The following NLGN1 variants were observed in gnomAD, a reference collection of about 807,000 sequenced individuals.
NLGN1 encodes neuroligin-1.
A neutral mutation model predicts 65.5 loss-of-function variants in NLGN1; 12 were observed. The ratio of observed to expected loss-of-function variants is 0.18; its 90% CI spans 0.12 to 0.30. The LOEUF is 0.30. NLGN1 is among the 10% of genes least tolerant of loss of function. The pLI, the probability that NLGN1 is intolerant of heterozygous loss-of-function variation, is 1.00. For missense variants in NLGN1, 750 were observed against 1,007.1 expected (o/e 0.74, Z 3.46); for synonymous variants, 350 against 359.5 (o/e 0.97, Z 0.30).
chr3:173,950,861 ATTTATTTATTTG>A (rs1348221459), intron 4 of NLGN1, among the ~76,000 whole-genome samples: 1 of 151,218 alleles, frequency 6.6e-6, no homozygotes, highest in African/African-American at 2.4e-5. Context: ...TATTAATTTT[ATTTATTTATTTG>A]TTTATTTATT....
At chr3:173,596,185 C>T (rs1292047342) in intron 2 of NLGN1, among the ~76,000 whole-genome samples, 1 of 151,980 alleles carries the variant, frequency 6.6e-6, no homozygotes, top group Non-Finnish European at 1.5e-5. Context: ...TTTTCTCTCT[C>T]TCTTTTTTTT....
At chr3:173,640,932 T>C (rs1289487967) in intron 3 of NLGN1, among the ~76,000 whole-genome samples, 2 of 152,326 alleles carry the variant, frequency 1.3e-5, no homozygotes, top group Admixed American at 1.3e-4. Flanking sequence ...TTATTTATGA[T>C]ACTATATATT....
chr3:173,729,424 T>A (rs1213247579), intron 3 of NLGN1, among the ~76,000 whole-genome samples: 1 of 152,076 alleles, frequency 6.6e-6, no homozygotes, highest in Non-Finnish European at 1.5e-5. Flanking sequence ...CCATCTATCC[T>A]AATTCTTTAG....
At chr3:173,583,509 A>C (rs1351777678) in intron 2 of NLGN1, among the ~76,000 whole-genome samples, 2 of 151,580 alleles carry the variant, frequency 1.3e-5, no homozygotes, top group African/African-American at 2.4e-5. Flanking sequence ...AAAAGGCTTA[A>C]TTATTTAGTC....
chr3:173,957,927 G>GT (rs1292002188), intron 4 of NLGN1, among the ~76,000 whole-genome samples: 1 of 152,216 alleles, frequency 6.6e-6, no homozygotes, highest in Non-Finnish European at 1.5e-5. Context: ...ACAGCAAGGG[G>GT]TGTGTGAGTG....
At chr3:174,021,801 T>C (rs188525232) in intron 4 of NLGN1, among the ~76,000 whole-genome samples, 9 of 152,258 alleles carry the variant, frequency 5.9e-5, no homozygotes, top group Admixed American at 2.0e-4. Flanking sequence ...AATACATTCC[T>C]TTTTTGCATG....
chr3:173,901,371 GTGTGT>G (rs1221314017), intron 4 of NLGN1, among the ~76,000 whole-genome samples: 3 of 148,038 alleles, frequency 2.0e-5, no homozygotes, highest in South Asian at 2.2e-4. Flanking sequence ...TTTTGGGGGG[GTGTGT>G]GTGTGTGTGT....
At chr3:173,575,769 C>T (rs1577350343) in intron 2 of NLGN1, among the ~76,000 whole-genome samples, 1 of 152,130 alleles carries the variant, frequency 6.6e-6, no homozygotes, top group East Asian at 1.9e-4. Context: ...TTTTAAGTTT[C>T]GTTTCTTTTC....
intron 4 of NLGN1, among the ~76,000 whole-genome samples, chr3:173,895,252 TGA>T (rs2152143070): frequency 6.6e-6 from 1 of 152,316 alleles, no homozygotes; most frequent in Non-Finnish European, 1.5e-5. Flanking sequence ...TTGATCCATC[TGA>T]GTACCACATC....
intron 3 of NLGN1, among the ~76,000 whole-genome samples, chr3:173,738,763 A>C (rs1295774272): frequency 6.6e-6 from 1 of 152,006 alleles, no homozygotes; most frequent in African/African-American, 2.4e-5. Context: ...TCAGATTGTC[A>C]ATTTATGCAA....
At chr3:173,621,752 C>T (rs1267852698) in intron 3 of NLGN1, among the ~76,000 whole-genome samples, 1 of 151,946 alleles carries the variant, frequency 6.6e-6, no homozygotes, top group African/African-American at 2.4e-5. Flanking sequence ...ACAAGGAGGC[C>T]TTGGCAATGT....
At chr3:173,881,459 C>T (rs1309349097) in intron 4 of NLGN1, among the ~76,000 whole-genome samples, 6 of 117,274 alleles carry the variant, frequency 5.1e-5, no homozygotes, top group African/African-American at 1.0e-4. Context: ...GAGTCTCGCT[C>T]TGTTGCCCAG....
chr3:173,945,705 T>C (rs1747014114), intron 4 of NLGN1, among the ~76,000 whole-genome samples: 1 of 152,192 alleles, frequency 6.6e-6, no homozygotes, highest in Non-Finnish European at 1.5e-5. Flanking sequence ...TGTACTTTTT[T>C]CCCCACTCGC....
chr3:174,161,456 C>G (rs78644125), intron 4 of NLGN1, among the ~76,000 whole-genome samples: 20,053 of 151,772 alleles, frequency 0.13, 1,359 homozygotes, highest in Admixed American at 0.16. Flanking sequence ...GTTTAGTTTA[C>G]GTCTTGCTGC....
chr3:173,419,654 C>T (rs537174), intron 1 of NLGN1, among the ~76,000 whole-genome samples: 43,755 of 151,934 alleles, frequency 0.29, 6,643 homozygotes, highest in Middle Eastern at 0.4. Flanking sequence ...TTGTCTGATT[C>T]AAAGTCTGTT....
rs546122582 is a variant in NLGN1, at chr3:173,637,851, A to G, written c.493+32760A>G. ...ACATAGGATATAAACTTCAATTAGTATTTTCGTTTCTTTGTATCTGTGTTT... is the reference window on the plus strand; with the variant it reads ...ACATAGGATATAAACTTCAATTAGTGTTTTCGTTTCTTTGTATCTGTGTTT... On this transcript the variant is annotated intron_variant, in intron 3 of 6. Coordinates refer to ENST00000457714, the Ensembl canonical transcript of NLGN1. 2.0e-5 allele frequency among the ~76,000 whole-genome samples: 3 copies of G among 152,238 alleles called. No individual in the cohort carries two copies. In the East Asian group the frequency reaches 5.8e-4, roughly 29 times the overall value.
chr3:173,917,008 C>T (rs549535569), intron 4 of NLGN1, among the ~76,000 whole-genome samples: 1 of 152,202 alleles, frequency 6.6e-6, no homozygotes, highest in South Asian at 2.1e-4. Context: ...AAGCTAGTTT[C>T]CAGCCTACTA....
chr3:173,520,681 A>G (rs76345202), intron 2 of NLGN1, among the ~76,000 whole-genome samples: 3,619 of 152,352 alleles, frequency 0.024, 55 homozygotes, highest in Middle Eastern at 0.048. Context: ...GTAGTGACAT[A>G]TAATCTGGCT....
chr3:173,932,271 C>G (rs564196620), intron 4 of NLGN1, among the ~76,000 whole-genome samples: 2 of 152,108 alleles, frequency 1.3e-5, no homozygotes, highest in African/African-American at 4.8e-5. Flanking sequence ...TGTCTTGTGT[C>G]ATTGTGGCAA....
Sources: allele counts gnomAD v4.1 joint callset (sites outside exome capture counted in the v4.1 genomes callset), GRCh38; gene constraint gnomAD v4.1.1; transcripts MANE v1.5; gene names NCBI Gene and HGNC (gene_info 2026-07-23, HGNC 2026-07-21).